SLC24A3: variants seen among roughly 807,000 people sequenced by gnomAD.
SLC24A3 encodes sodium/potassium/calcium exchanger 3.
A neutral mutation model predicts 75.8 loss-of-function variants in SLC24A3; 28 were observed. That is an observed-to-expected ratio of 0.37 (90% CI 0.27 to 0.51). SLC24A3 has a LOEUF of 0.51. Ranked by LOEUF, SLC24A3 falls within the 20% of genes least tolerant of loss-of-function variation. SLC24A3 has a pLI of 0.94. For synonymous variants in SLC24A3, 372 were observed against 334.1 expected (o/e 1.11, Z -1.24); for missense variants, 663 against 847.8 (o/e 0.78, Z 2.71).
At chr20:19,639,879 A>C (rs989408523) in intron 6 of SLC24A3, among the ~76,000 whole-genome samples, 3 of 152,252 alleles carry the variant, frequency 2.0e-5, no homozygotes, top group Admixed American at 6.5e-5. Context: ...CCCAGGTGCT[A>C]AGCCCCTCAT....
At position 19,606,853 on chromosome 20, in the gene SLC24A3, T is replaced by C. The variant is rs74619087; in HGVS notation, c.612+21309T>C. Among the ~76,000 whole-genome samples, 584 of 152,316 alleles carry C rather than the reference T, an allele frequency of 3.8e-3. 3 individuals carry two copies. Among genetic ancestry groups the C allele is most frequent in the African/African-American group, 0.013 (554 of 41,558 alleles). ...TCCACACAGTGAAGAACTATCAAACTAGGACTTGAACCCCACTGTTCTGCT... is the reference window on the plus strand; with the variant it reads ...TCCACACAGTGAAGAACTATCAAACCAGGACTTGAACCCCACTGTTCTGCT... On this transcript the variant is annotated intron_variant, in intron 6 of 16. Transcript: ENST00000328041.
intron 3 of SLC24A3, among the ~76,000 whole-genome samples, chr20:19,537,376 A>C (rs2030417987): frequency 6.6e-6 from 1 of 152,196 alleles, no homozygotes; most frequent in African/African-American, 2.4e-5. Context: ...GTCAGGAAAC[A>C]ACAGGTGCTG....
At chr20:19,425,136 C>A (rs553769881) in intron 2 of SLC24A3, among the ~76,000 whole-genome samples, 3 of 152,238 alleles carry the variant, frequency 2.0e-5, no homozygotes, top group Admixed American at 2.0e-4. Flanking sequence ...AACCCCGTCT[C>A]TACTAAAAAT....
intron 2 of SLC24A3, among the ~76,000 whole-genome samples, chr20:19,339,096 C>G (rs1985204844): frequency 8.4e-6 from 1 of 119,716 alleles, no homozygotes; most frequent in Non-Finnish European, 1.8e-5. Flanking sequence ...CGTGGAGAAG[C>G]ATTCTTGGAC....
intron 3 of SLC24A3, among the ~76,000 whole-genome samples, chr20:19,551,187 T>G (rs555580985): frequency 1.3e-5 from 2 of 152,296 alleles, no homozygotes; most frequent in East Asian, 3.9e-4. Flanking sequence ...TTGGTCCTCA[T>G]AGTTTCAAGA....
At chr20:19,274,929 C>A (rs1256913754) in intron 1 of SLC24A3, among the ~76,000 whole-genome samples, 1 of 152,176 alleles carries the variant, frequency 6.6e-6, no homozygotes, top group African/African-American at 2.4e-5. Flanking sequence ...GCCTAGAGAG[C>A]CTGAGTTAGT....
chr20:19,649,397 A>G (rs148095819), intron 6 of SLC24A3, among the ~76,000 whole-genome samples: 1 of 152,194 alleles, frequency 6.6e-6, no homozygotes, highest in Non-Finnish European at 1.5e-5. Flanking sequence ...AACTGGCCAA[A>G]TGGACAGGTA....
At chr20:19,287,839 A>G (rs569594902) in intron 2 of SLC24A3, among the ~76,000 whole-genome samples, 23 of 151,994 alleles carry the variant, frequency 1.5e-4, no homozygotes, top group African/African-American at 5.1e-4. Context: ...CTAAATCCCA[A>G]CTCCACCACT....
At chr20:19,276,291 T>C (rs1023702204) in intron 1 of SLC24A3, among the ~76,000 whole-genome samples, 5 of 152,206 alleles carry the variant, frequency 3.3e-5, no homozygotes, top group African/African-American at 1.2e-4. Context: ...AGTGGGACTT[T>C]AGAAGTGTCT....
At chr20:19,395,518 T>C (rs1986438984) in intron 2 of SLC24A3, among the ~76,000 whole-genome samples, 1 of 152,252 alleles carries the variant, frequency 6.6e-6, no homozygotes, top group Admixed American at 6.5e-5. Context: ...TTTGCTCTGT[T>C]CGTCTGACAG....
chr20:19,583,890 A>T (rs547603723), intron 4 of SLC24A3, among the ~76,000 whole-genome samples: 2 of 152,108 alleles, frequency 1.3e-5, no homozygotes, highest in Non-Finnish European at 1.5e-5. Context: ...CAGCGAAGCG[A>T]CCCAGGATCC....
chr20:19,712,373 T>G (rs1998116), intron 15 of SLC24A3, among the ~76,000 whole-genome samples: 105,392 of 151,672 alleles, frequency 0.69, 37,058 homozygotes, highest in East Asian at 0.94. Flanking sequence ...GGACCTGCTG[T>G]TCTGGTAAGA....
chr20:19,457,738 C>T (rs1987603724), intron 2 of SLC24A3, among the ~76,000 whole-genome samples: 2 of 152,178 alleles, frequency 1.3e-5, no homozygotes, highest in Non-Finnish European at 2.9e-5. Context: ...GACTCACATT[C>T]CCTGGATCTG....
chr20:19,226,139 G>A (rs1203419183), intron 1 of SLC24A3, among the ~76,000 whole-genome samples: 1 of 152,082 alleles, frequency 6.6e-6, no homozygotes, highest in Admixed American at 6.5e-5. Context: ...GTGGATATTG[G>A]TTTATCAGAT....
chr20:19,649,172 C>T (rs2122705366), intron 6 of SLC24A3, among the ~76,000 whole-genome samples: 1 of 152,214 alleles, frequency 6.6e-6, no homozygotes, highest in East Asian at 1.9e-4. Flanking sequence ...AAGAGCCTCC[C>T]ATTTGATGCA....
At chr20:19,305,881 G>A (rs1984314338) in intron 2 of SLC24A3, among the ~76,000 whole-genome samples, 1 of 152,160 alleles carries the variant, frequency 6.6e-6, no homozygotes, top group African/African-American at 2.4e-5. Context: ...TGACAAGTGA[G>A]ATCTAATTAA....
intron 1 of SLC24A3, among the ~76,000 whole-genome samples, chr20:19,253,579 G>A (rs554568398): frequency 2.0e-5 from 3 of 152,250 alleles, no homozygotes; most frequent in South Asian, 2.1e-4. Flanking sequence ...TACACCCTCC[G>A]TGGCCTTCTG....
chr20:19,445,312 A>C (rs1987362355), intron 2 of SLC24A3, among the ~76,000 whole-genome samples: 1 of 152,210 alleles, frequency 6.6e-6, no homozygotes, highest in Non-Finnish European at 1.5e-5. Context: ...AACAATGTGG[A>C]CCTCAGGAAG....
chr20:19,511,809 T>G (rs1238163264), intron 2 of SLC24A3, among the ~76,000 whole-genome samples: 1 of 152,228 alleles, frequency 6.6e-6, no homozygotes, highest in African/African-American at 2.4e-5. Flanking sequence ...GGAGCTGTAA[T>G]GAAAAAGTGG....
Sources: gnomAD v4.1 joint callset for allele counts (sites outside exome capture counted in the v4.1 genomes callset) on GRCh38, gnomAD v4.1.1 for gene constraint, MANE v1.5 for transcripts, NCBI Gene and HGNC (gene_info 2026-07-23, HGNC 2026-07-21) for gene names.